GPC6: variants seen among roughly 807,000 people sequenced by gnomAD.
GPC6 encodes glypican 6.
A neutral mutation model predicts 55.2 loss-of-function variants in GPC6; 14 were observed. That is an observed-to-expected ratio of 0.25 (90% confidence interval 0.17 to 0.40). The LOEUF (loss-of-function observed/expected upper bound fraction) is 0.40. Among genes scored for constraint, GPC6 ranks in the 10% least tolerant of loss-of-function variants. The pLI, the probability that GPC6 is intolerant of heterozygous loss-of-function variation, is 1.00. For missense variants in GPC6, 641 were observed against 708.5 expected (o/e 0.90, Z 1.08); for synonymous variants, 278 against 259.6 (o/e 1.07, Z -0.68).
Position 94,217,520 on chromosome 13 carries a change from A to G in GPC6, c.878-68829A>G, listed in dbSNP as rs568338160. On this transcript the variant is annotated intron_variant, in intron 4 of 8. Coordinates refer to ENST00000377047, the MANE Select transcript of GPC6 (RefSeq NM_005708.5). Reference sequence around the variant, plus strand: ...CTTTGAGAGGGCATGACAGCATCCCATTCATCTATACGGCCCCAGCGACAG... The same window carrying G: ...CTTTGAGAGGGCATGACAGCATCCCGTTCATCTATACGGCCCCAGCGACAG... 1.1e-4 allele frequency among the ~76,000 whole-genome samples: 16 copies of G among 152,288 alleles called. No homozygotes were observed. In the South Asian group the frequency reaches 2.9e-3, roughly 28 times the overall value.
In GPC6 at chr13:93,745,312, C is replaced by T. The variant is rs76172138; in HGVS notation, c.320-84842C>T. ...CCCTCTATGTCCCATGCCTTTTCAC[C>T]ATTTCCTTCTTCTGCCTGGAATGAC... On this transcript the variant is annotated intron_variant, in intron 2 of 8. Coordinates refer to ENST00000377047, the MANE Select transcript of GPC6 (RefSeq NM_005708.5). 6.1e-3 allele frequency among the ~76,000 whole-genome samples: 925 copies of T among 152,180 alleles called. 10 individuals carry two copies. Among genetic ancestry groups the T allele is most frequent in the African/African-American group, 0.021 (879 of 41,526 alleles).
chr13:93,966,807 C>T (rs1880067461), intron 3 of GPC6, among the ~76,000 whole-genome samples: 2 of 152,052 alleles, frequency 1.3e-5, no homozygotes, highest in East Asian at 1.9e-4. Context: ...CATGCCACTA[C>T]ACCTGGCTAA....
At chr13:94,263,506 T>TC (rs1274781280) in intron 4 of GPC6, among the ~76,000 whole-genome samples, 1 of 152,154 alleles carries the variant, frequency 6.6e-6, no homozygotes, top group South Asian at 2.1e-4. Flanking sequence ...GATCAATTTT[T>TC]CTCTTCTATC....
intron 4 of GPC6, among the ~76,000 whole-genome samples, chr13:94,279,828 T>A (rs1594126618): frequency 1.3e-5 from 2 of 152,330 alleles, no homozygotes; most frequent in East Asian, 3.9e-4. Context: ...TGATTTCAGT[T>A]CCTTTGCATT....
At position 94,264,922 on chromosome 13, in the gene GPC6, A is replaced by G. The variant is rs575205186; in HGVS notation, c.878-21427A>G. ...AGAACCTAGTGAAAAGGAAAATCCT[A>G]TATAAAGCCATCAGATCTCGTGAGA... is the stretch of plus-strand genomic sequence containing the variant. On this transcript the variant is annotated intron_variant, in intron 4 of 8. Coordinates refer to ENST00000377047, the MANE Select transcript of GPC6 (RefSeq NM_005708.5). Among the ~76,000 whole-genome samples, 22 of 152,318 alleles carry G rather than the reference A, an allele frequency of 1.4e-4. No homozygotes were observed. The South Asian group carries it at 4.6e-3, about 32-fold the overall frequency.
intron 3 of GPC6, among the ~76,000 whole-genome samples, chr13:93,911,845 A>G (rs1301192966): frequency 2.6e-5 from 4 of 152,240 alleles, no homozygotes; most frequent in South Asian, 2.1e-4. Context: ...TAGAAGCGAT[A>G]TAAGTGGTTA....
intron 1 of GPC6, among the ~76,000 whole-genome samples, chr13:93,305,880 A>C (rs2139100878): frequency 6.6e-6 from 1 of 152,344 alleles, no homozygotes; most frequent in South Asian, 2.1e-4. Context: ...CTTATCAAGC[A>C]ATCAACTTTT....
chr13:94,030,441 A>G (rs1250010122), intron 4 of GPC6, among the ~76,000 whole-genome samples: 10 of 152,160 alleles, frequency 6.6e-5, no homozygotes, highest in Non-Finnish European at 8.8e-5. Flanking sequence ...GCTCTTGCTA[A>G]TACTTGTCTG....
intron 2 of GPC6, among the ~76,000 whole-genome samples, chr13:93,549,253 G>A (rs1258591271): frequency 6.6e-6 from 1 of 152,098 alleles, no homozygotes; most frequent in Non-Finnish European, 1.5e-5. Flanking sequence ...ATAAACAAAA[G>A]CATATTAAAA....
At position 93,482,716 on chromosome 13, in the gene GPC6, C is replaced by T. The variant is rs191929443; in HGVS notation, c.161-62547C>T. 2.7e-4 allele frequency among the ~76,000 whole-genome samples: 41 copies of T among 152,180 alleles called. No individual in the cohort carries two copies. In the East Asian group the frequency reaches 7.7e-3, roughly 29 times the overall value. Reference sequence around the variant, plus strand: ...GGTGGCATGGAATGTTTAAAATATACTGGGATTCATATATTTTGTATTTTC... The same window carrying T: ...GGTGGCATGGAATGTTTAAAATATATTGGGATTCATATATTTTGTATTTTC... On this transcript the variant is annotated intron_variant, in intron 1 of 8. Transcript: ENST00000377047.
chr13:93,269,060 AT>A (rs1461125192), intron 1 of GPC6, among the ~76,000 whole-genome samples: 1 of 152,202 alleles, frequency 6.6e-6, no homozygotes, highest in Non-Finnish European at 1.5e-5. Context: ...CAATTATTAA[AT>A]TTACAAAATA....
chr13:93,950,821 C>G (rs1879221638), intron 3 of GPC6, among the ~76,000 whole-genome samples: 1 of 151,198 alleles, frequency 6.6e-6, no homozygotes, highest in South Asian at 2.1e-4. Context: ...TGTCAAAGCT[C>G]TTAGGTGCTG....
At chr13:94,283,720 C>T (rs987909900) in intron 4 of GPC6, among the ~76,000 whole-genome samples, 5 of 152,284 alleles carry the variant, frequency 3.3e-5, no homozygotes, top group East Asian at 1.9e-4. Context: ...AGAAACAAAA[C>T]GAGCAACACA....
chr13:93,264,450 C>G lies in GPC6; in HGVS notation c.160+36834C>G, dbSNP rs866336724. On this transcript the variant is annotated intron_variant, in intron 1 of 8. Transcript: ENST00000377047. ...TTTGAGACAGATTCTTGCTCTTTTG[C>G]CCAGGCTGGAGTGCAGTAGCACAAT... 4.3e-4 allele frequency among the ~76,000 whole-genome samples: 65 copies of G among 152,214 alleles called. 1 individual carries two copies. Among genetic ancestry groups the G allele is most frequent in the Middle Eastern group, 3.4e-3 (1 of 294 alleles).
intron 4 of GPC6, among the ~76,000 whole-genome samples, chr13:94,072,003 A>T (rs1254078774): frequency 6.6e-6 from 1 of 152,178 alleles, no homozygotes; most frequent in Non-Finnish European, 1.5e-5. Flanking sequence ...AGCACAACTA[A>T]TGTCTTTTCC....
intron 4 of GPC6, among the ~76,000 whole-genome samples, chr13:94,120,593 T>G (rs1886597597): frequency 6.6e-6 from 1 of 152,138 alleles, no homozygotes; most frequent in Admixed American, 6.6e-5. Context: ...GATAGCATTT[T>G]ACAACTGAGA....
At chr13:93,782,635 A>G (rs904877051) in intron 2 of GPC6, among the ~76,000 whole-genome samples, 1 of 152,156 alleles carries the variant, frequency 6.6e-6, no homozygotes, top group Non-Finnish European at 1.5e-5. Context: ...AACAAGTATG[A>G]AGCGATATCT....
chr13:93,960,878 T>A (rs1490479425), intron 3 of GPC6, among the ~76,000 whole-genome samples: 1 of 147,634 alleles, frequency 6.8e-6, no homozygotes, highest in African/African-American at 2.5e-5. Flanking sequence ...AGTGGCGCAA[T>A]CTCGACTCAC....
chr13:94,171,105 G>T (rs1302801986), intron 4 of GPC6, among the ~76,000 whole-genome samples: 1 of 152,152 alleles, frequency 6.6e-6, no homozygotes, highest in Non-Finnish European at 1.5e-5. Context: ...GTTTGCAGAA[G>T]CCCAAGTGTA....
Sources: allele counts gnomAD v4.1 joint callset (sites outside exome capture counted in the v4.1 genomes callset), GRCh38; gene constraint gnomAD v4.1.1; transcripts MANE v1.5; gene names NCBI Gene and HGNC (gene_info 2026-07-23, HGNC 2026-07-21).